The following ZNF608 variants were observed in gnomAD, a reference collection of about 807,000 sequenced individuals.
ZNF608 encodes renal carcinoma antigen NY-REN-36.
ZNF608 carries 12 observed loss-of-function variants against 109.0 expected under a neutral mutation model. That is an observed-to-expected ratio of 0.11 (90% confidence interval 0.07 to 0.18). ZNF608 has a LOEUF of 0.18. ZNF608 is among the 10% of genes least tolerant of loss of function. The pLI is 1.00. For missense variants in ZNF608, 1,707 were observed against 1,879.3 expected (o/e 0.91, Z 1.70); for synonymous variants, 732 against 717.4 (o/e 1.02, Z -0.33).
intron 3 of ZNF608, among the ~76,000 whole-genome samples, chr5:124,691,186 G>C (rs543680958): frequency 6.6e-6 from 1 of 152,026 alleles, no homozygotes; most frequent in African/African-American, 2.4e-5. Flanking sequence ...GAGGCAGAAG[G>C]ATCACTTGAG....
At chr5:124,741,430 C>T (rs900072581) in intron 2 of ZNF608, among the ~76,000 whole-genome samples, 38 of 143,936 alleles carry the variant, frequency 2.6e-4, no homozygotes, top group Non-Finnish European at 3.2e-4. Flanking sequence ...TGCACACACA[C>T]ATACACTCCC....
intron 2 of ZNF608, among the ~76,000 whole-genome samples, chr5:124,702,846 A>G (rs1441316564): frequency 1.3e-5 from 2 of 152,144 alleles, no homozygotes; most frequent in Non-Finnish European, 2.9e-5. Context: ...ACAGCCCCAA[A>G]CCCCAGATAC....
chr5:124,742,274 G>A (rs555769217), intron 2 of ZNF608, among the ~76,000 whole-genome samples: 1 of 152,294 alleles, frequency 6.6e-6, no homozygotes, highest in East Asian at 1.9e-4. Context: ...GAAATGTTCC[G>A]ATTGCCAGCT....
chr5:124,722,029 T>TTCTCTCCC (rs1753945996), intron 2 of ZNF608, among the ~76,000 whole-genome samples: 1 of 147,564 alleles, frequency 6.8e-6, no homozygotes, highest in South Asian at 2.2e-4. Flanking sequence ...GTTCTAGAGC[T>TTCTCTCCC]TCTCTCCCTG....
At chr5:124,683,677 G>A (rs1451441901) in intron 3 of ZNF608, among the ~76,000 whole-genome samples, 1 of 152,162 alleles carries the variant, frequency 6.6e-6, no homozygotes, top group East Asian at 1.9e-4. Flanking sequence ...CTATGTGGCT[G>A]TTTAAACTAT....
At chr5:124,724,496 C>CA (rs5871102) in intron 2 of ZNF608, among the ~76,000 whole-genome samples, 59,442 of 99,932 alleles carry the variant, frequency 0.59, 16,850 homozygotes, top group Middle Eastern at 0.66. Context: ...GCAAAGAGTG[C>CA]AAAAAAAAAA....
chr5:124,739,329 G>A (rs1749280592), intron 2 of ZNF608, among the ~76,000 whole-genome samples: 1 of 152,116 alleles, frequency 6.6e-6, no homozygotes, highest in African/African-American at 2.4e-5. Flanking sequence ...TCCTTAAAAG[G>A]ATATTTTCCT....
intron 2 of ZNF608, among the ~76,000 whole-genome samples, chr5:124,715,303 T>G (rs1580682661): frequency 1.3e-5 from 2 of 152,308 alleles, no homozygotes; most frequent in South Asian, 2.1e-4. Flanking sequence ...AAATGAAGGA[T>G]AGCAGGGGTG....
rs556942146 is a variant in ZNF608, at chr5:124,639,268, T to A, written c.4451-54A>T. 7 of 1,544,478 alleles carry A rather than the reference T, an allele frequency of 4.5e-6. No homozygotes were observed. The African/African-American group carries it at 5.4e-5, about 12-fold the overall frequency. On this transcript the variant is annotated intron_variant, in intron 8 of 9. Coordinates refer to ENST00000513986, the MANE Select transcript of ZNF608 (RefSeq NM_020747.3). The stretch of plus-strand genomic sequence containing the variant: ...TGATCTTTAGAAGGATAAGAGTAGA[T>A]ACAGGCCCAGTGGAGAAGGGCCGCA...
At chr5:124,686,722 CTCAG>C (rs1752427070) in intron 3 of ZNF608, among the ~76,000 whole-genome samples, 1 of 152,186 alleles carries the variant, frequency 6.6e-6, no homozygotes. Flanking sequence ...ATTAAATGTT[CTCAG>C]TCAGCTCTGT....
chr5:124,686,356 C>T (rs1752411969), intron 3 of ZNF608, among the ~76,000 whole-genome samples: 1 of 152,156 alleles, frequency 6.6e-6, no homozygotes, highest in Non-Finnish European at 1.5e-5. Flanking sequence ...TGAAGATTGT[C>T]CTGGTTCCTG....
chr5:124,677,540 C>T (rs986073336), intron 3 of ZNF608, among the ~76,000 whole-genome samples: 1 of 152,146 alleles, frequency 6.6e-6, no homozygotes, highest in African/African-American at 2.4e-5. Context: ...CAGGCAAGTA[C>T]TTCCAAAAAA....
intron 2 of ZNF608, among the ~76,000 whole-genome samples, chr5:124,718,619 T>C (rs1456917362): frequency 2.0e-5 from 3 of 152,240 alleles, no homozygotes; most frequent in Non-Finnish European, 2.9e-5. Context: ...AGAATATTAA[T>C]AAGAGGAGGG....
intron 5 of ZNF608, 128 bp downstream of exon 5, chr5:124,646,551 A>G: frequency 8.8e-7 from 1 of 1,141,244 alleles, no homozygotes; most frequent in Non-Finnish European, 1.2e-6. Flanking sequence ...ATATTTTTCA[A>G]GAGCAGAGGA....
intron 3 of ZNF608, among the ~76,000 whole-genome samples, chr5:124,690,924 A>AACACACACACAC (rs35022360): frequency 3.6e-4 from 31 of 86,994 alleles, no homozygotes; most frequent in African/African-American, 1.8e-3. Flanking sequence ...GCAACAGAAA[A>AACACACACACAC]ACACACACAC....
chr5:124,708,087 G>A (rs1753333108), intron 2 of ZNF608: 1 of 152,206 alleles, frequency 6.6e-6, no homozygotes, highest in South Asian at 2.1e-4. Context: ...GATCTCAGAG[G>A]ATGGGCCACT....
intron 2 of ZNF608, among the ~76,000 whole-genome samples, chr5:124,706,540 C>A (rs1466896028): frequency 1.3e-5 from 2 of 152,090 alleles, no homozygotes; most frequent in Non-Finnish European, 2.9e-5. Context: ...TCAGATATTC[C>A]TCATTTAAAA....
chr5:124,709,352 AT>A (rs1475483107), intron 2 of ZNF608, among the ~76,000 whole-genome samples: 1 of 152,136 alleles, frequency 6.6e-6, no homozygotes, highest in Non-Finnish European at 1.5e-5. Context: ...AGCAGTGACT[AT>A]TTTTAACTTC....
Position 124,637,883 on chromosome 5 carries a change from G to A in ZNF608, c.*17C>T. ...CCATGTGATCCAGTCACATGACAAT[G>A]TACATGTCCAATCTTGTTATTCTCT... is the stretch of plus-strand genomic sequence containing the variant. On this transcript the variant is annotated 3_prime_UTR_variant, in exon 10 of 10. Transcript: ENST00000513986. 1.9e-6 allele frequency: 3 copies of A among 1,610,188 alleles called. No individual in the cohort carries two copies. The highest frequency in any genetic ancestry group is 2.5e-6 in the Non-Finnish European group (3 of 1,178,292).
Sources: gnomAD v4.1 joint callset for allele counts (sites outside exome capture counted in the v4.1 genomes callset) on GRCh38, gnomAD v4.1.1 for gene constraint, MANE v1.5 for transcripts, NCBI Gene and HGNC (gene_info 2026-07-23, HGNC 2026-07-21) for gene names.